CCDC149: variants seen among roughly 807,000 people sequenced by gnomAD.
CCDC149 encodes the protein coiled-coil domain containing 149, also known as coiled-coil domain-containing protein 149.
Under a neutral mutation model 59.9 loss-of-function variants are expected in CCDC149, and 45 were observed. The observed-to-expected ratio is 0.75, with a 90% CI of 0.59 to 0.96. CCDC149 has a LOEUF of 0.96. Among genes scored for constraint, CCDC149 ranks in the 40% least tolerant of loss-of-function variants. The probability of loss-of-function intolerance (pLI) is 0.00; values close to 1 mark genes in which losing one functional copy is unlikely to be tolerated. For missense variants in CCDC149, 584 were observed against 664.7 expected (o/e 0.88, Z 1.33); for synonymous variants, 245 against 260.6 (o/e 0.94, Z 0.58).
At position 24,969,432 on chromosome 4, in the gene CCDC149, A is replaced by T. The variant is rs541479342; in HGVS notation, c.-65+10637T>A. 4.6e-5 allele frequency among the ~76,000 whole-genome samples: 7 copies of T among 152,320 alleles called. No individual in the cohort carries two copies. The South Asian group carries it at 1.4e-3, about 32-fold the overall frequency. ...ATAGGGGAACACATTTCACTGGAAA[A>T]CAGGTACAATAATGGGCACAACAAA... On this transcript the variant is annotated intron_variant, in intron 1 of 12. Transcript: ENST00000389609.
intron 1 of CCDC149, among the ~76,000 whole-genome samples, chr4:24,931,310 A>ATATATAT (rs1722579695): frequency 7.2e-6 from 1 of 138,266 alleles, no homozygotes; most frequent in East Asian, 2.0e-4. Context: ...TTTATTTTAA[A>ATATATAT]ATATATATAT....
chr4:24,957,779 A>G (rs1160560177), intron 1 of CCDC149, among the ~76,000 whole-genome samples: 1 of 152,258 alleles, frequency 6.6e-6, no homozygotes, highest in Non-Finnish European at 1.5e-5. Context: ...TACAAAAGCA[A>G]AAATATTTAC....
intron 12 of CCDC149, among the ~76,000 whole-genome samples, chr4:24,819,253 C>G (rs1577379239): frequency 6.6e-6 from 1 of 152,248 alleles, no homozygotes; most frequent in Admixed American, 6.5e-5. Flanking sequence ...AAGTCTCCAG[C>G]CCAAGTTCTC....
intron 4 of CCDC149, among the ~76,000 whole-genome samples, chr4:24,851,420 G>A (rs1046997157): frequency 1.3e-5 from 2 of 152,060 alleles, no homozygotes; most frequent in Non-Finnish European, 2.9e-5. Context: ...GTGCCACCAC[G>A]CCTGGCTGCT....
At chr4:24,939,793 C>T (rs1445223567) in intron 1 of CCDC149, among the ~76,000 whole-genome samples, 1 of 152,058 alleles carries the variant, frequency 6.6e-6, no homozygotes, top group African/African-American at 2.4e-5. Flanking sequence ...GAAAGGGTAT[C>T]AGCGATGGAA....
chr4:24,843,283 A>G (rs1237785110), intron 4 of CCDC149, among the ~76,000 whole-genome samples: 1 of 152,234 alleles, frequency 6.6e-6, no homozygotes, highest in African/African-American at 2.4e-5. Context: ...AGTGGATGCT[A>G]GCCCTTTCTT....
At chr4:24,831,193 C>G (rs1716121536) in intron 9 of CCDC149, 1 of 199,216 alleles carries the variant, frequency 5.0e-6, no homozygotes, top group African/African-American at 2.3e-5. Flanking sequence ...AAAAGAAGAG[C>G]TGGAGGAGAG....
intron 4 of CCDC149, among the ~76,000 whole-genome samples, chr4:24,850,371 G>A (rs1463561354): frequency 6.6e-6 from 1 of 152,194 alleles, no homozygotes; most frequent in African/African-American, 2.4e-5. Flanking sequence ...GGCAGAGCAG[G>A]ACATTGCAGG....
At chr4:24,847,113 C>T (rs942130204) in intron 4 of CCDC149, among the ~76,000 whole-genome samples, 3 of 152,182 alleles carry the variant, frequency 2.0e-5, no homozygotes, top group Admixed American at 6.5e-5. Context: ...ATCCATCTGC[C>T]ACATGCCAGG....
At chr4:24,881,888 C>T (rs1719860823) in intron 1 of CCDC149, among the ~76,000 whole-genome samples, 1 of 152,158 alleles carries the variant, frequency 6.6e-6, no homozygotes, top group South Asian at 2.1e-4. Context: ...AAAGTGTTTG[C>T]ATAATGTGCC....
intron 12 of CCDC149, among the ~76,000 whole-genome samples, chr4:24,813,149 G>T (rs1300941634): frequency 1.3e-5 from 2 of 152,090 alleles, no homozygotes; most frequent in Admixed American, 1.3e-4. Context: ...TGAAGAGGAA[G>T]GGACCAGAAC....
At chr4:24,838,965 C>T (rs1474108304) in intron 4 of CCDC149, among the ~76,000 whole-genome samples, 2 of 149,908 alleles carry the variant, frequency 1.3e-5, no homozygotes, top group African/African-American at 4.9e-5. Context: ...AGAATACTAA[C>T]GTTTCTATGC....
intron 3 of CCDC149, among the ~76,000 whole-genome samples, chr4:24,854,603 C>T (rs6854449): frequency 0.034 from 5,134 of 152,248 alleles, 293 homozygotes; most frequent in African/African-American, 0.12. Context: ...ACTGGAATGG[C>T]TAAATTTCCA....
Position 24,853,206 on chromosome 4 carries a change from A to G in CCDC149, c.265-27T>C, listed in dbSNP as rs543829821. 4.9e-4 allele frequency: 744 copies of G among 1,516,268 alleles called. 8 individuals are homozygous for G. In the South Asian group the frequency reaches 7.9e-3, roughly 16 times the overall value. 93.9% of individuals were successfully genotyped at this position (1,516,268 alleles called of 1,614,324 possible). ...TAGAAATATCAACACATTATGAAAT[A>G]CAATCAGAAATGGAGGAGTGGATGA... On this transcript the variant is annotated intron_variant, in intron 3 of 12. Transcript: ENST00000635206.
intron 1 of CCDC149, among the ~76,000 whole-genome samples, chr4:24,933,745 T>A (rs1287363711): frequency 1.3e-5 from 2 of 152,152 alleles, no homozygotes; most frequent in African/African-American, 4.8e-5. Context: ...ATAAACAGAA[T>A]GAAGAGTTAG....
chr4:24,823,287 T>C (rs2109111580), intron 9 of CCDC149, among the ~76,000 whole-genome samples: 1 of 152,358 alleles, frequency 6.6e-6, no homozygotes, highest in East Asian at 1.9e-4. Context: ...GTCACTAAGA[T>C]ATACAAGTTC....
chr4:24,903,665 C>T (rs1721309452), intron 1 of CCDC149, among the ~76,000 whole-genome samples: 1 of 152,166 alleles, frequency 6.6e-6, no homozygotes, highest in Admixed American at 6.5e-5. Context: ...AGTCATGTAA[C>T]CATCATCACA....
chr4:24,811,650 A>G (rs1300773326), intron 12 of CCDC149, among the ~76,000 whole-genome samples: 1 of 152,120 alleles, frequency 6.6e-6, no homozygotes, highest in Non-Finnish European at 1.5e-5. Context: ...AGGCGGGCGG[A>G]TCACCTGAGG....
intron 3 of CCDC149, among the ~76,000 whole-genome samples, chr4:24,854,565 A>T (rs899038876): frequency 6.6e-5 from 10 of 152,168 alleles, no homozygotes; most frequent in African/African-American, 2.4e-4. Context: ...AAGAAACCCA[A>T]ATCCAGAGAG....
Sources: allele counts gnomAD v4.1 joint callset (sites outside exome capture counted in the v4.1 genomes callset), GRCh38; gene constraint gnomAD v4.1.1; transcripts MANE v1.5; gene names NCBI Gene and HGNC (gene_info 2026-07-23, HGNC 2026-07-21).